Variants in FYB1 observed in about 807,000 individuals in gnomAD.
FYB1 encodes the protein FYN-binding protein 1.
Under a neutral mutation model 94.1 loss-of-function variants are expected in FYB1, and 41 were observed. That is an observed-to-expected ratio of 0.44 (90% CI 0.34 to 0.57). FYB1 has a LOEUF of 0.57. Ranked by LOEUF, FYB1 falls within the 20% of genes least tolerant of loss-of-function variation. FYB1 has a pLI of 0.02. For synonymous variants in FYB1, 367 were observed against 353.2 expected, an observed-to-expected ratio of 1.04 and a Z score of -0.44; for missense variants, 1,050 against 976.8, an observed-to-expected ratio of 1.07 and a Z score of -1.00.
intron 2 of FYB1, among the ~76,000 whole-genome samples, chr5:39,168,638 C>T (rs6891395): frequency 0.22 from 33,224 of 151,956 alleles, 3,854 homozygotes; most frequent in African/African-American, 0.28. Context: ...GGTTTTACAG[C>T]TTCTAAGTCT....
At chr5:39,207,885 C>T (rs1476595364) in intron 1 of FYB1, among the ~76,000 whole-genome samples, 2 of 152,162 alleles carry the variant, frequency 1.3e-5, no homozygotes, top group Admixed American at 1.3e-4. Context: ...AGGGATGCTG[C>T]ACATCTGTCC....
intron 1 of FYB1, among the ~76,000 whole-genome samples, chr5:39,228,795 A>C (rs1476837435): frequency 6.6e-6 from 1 of 152,180 alleles, no homozygotes; most frequent in Non-Finnish European, 1.5e-5. Context: ...AGAGCTAATA[A>C]AGCAAGATCT....
intron 2 of FYB1, among the ~76,000 whole-genome samples, chr5:39,193,547 C>T (rs1240677853): frequency 2.0e-5 from 3 of 152,196 alleles, no homozygotes; most frequent in Non-Finnish European, 4.4e-5. Context: ...ACCTTCCCAC[C>T]TGTTCTCTAC....
intron 1 of FYB1, among the ~76,000 whole-genome samples, chr5:39,243,922 T>A (rs1751338894): frequency 6.6e-6 from 1 of 152,204 alleles, no homozygotes; most frequent in Admixed American, 6.5e-5. Context: ...GGGAGTTCAC[T>A]CATGATTTAG....
At chr5:39,197,266 T>G (rs756095276) in intron 2 of FYB1, among the ~76,000 whole-genome samples, 33 of 152,308 alleles carry the variant, frequency 2.2e-4, no homozygotes, top group Middle Eastern at 3.4e-3. Flanking sequence ...AAATATTTAG[T>G]AATAGAATCT....
At chr5:39,195,952 A>G (rs921402247) in intron 2 of FYB1, among the ~76,000 whole-genome samples, 2 of 79,496 alleles carry the variant, frequency 2.5e-5, no homozygotes, top group African/African-American at 4.0e-5. Context: ...CTTAGGAAAA[A>G]AAAATTTAGC....
intron 9 of FYB1, among the ~76,000 whole-genome samples, chr5:39,131,270 A>T (rs538491953): frequency 6.6e-6 from 1 of 152,230 alleles, no homozygotes; most frequent in Admixed American, 6.6e-5. Flanking sequence ...TTTCTGTGAG[A>T]TCAAAGGAAA....
At chr5:39,216,918 A>C (rs1432528320) in intron 1 of FYB1, among the ~76,000 whole-genome samples, 4 of 152,198 alleles carry the variant, frequency 2.6e-5, no homozygotes, top group Non-Finnish European at 4.4e-5. Flanking sequence ...TAGCTAAATG[A>C]TTTTCCTGGT....
At chr5:39,145,609 G>T (rs1742572297) in intron 3 of FYB1, among the ~76,000 whole-genome samples, 1 of 151,976 alleles carries the variant, frequency 6.6e-6, no homozygotes, top group Non-Finnish European at 1.5e-5. Context: ...TTGATGAATT[G>T]AATATTAATT....
intron 1 of FYB1, among the ~76,000 whole-genome samples, chr5:39,249,745 T>A (rs1271426824): frequency 6.6e-6 from 1 of 152,104 alleles, no homozygotes; most frequent in Non-Finnish European, 1.5e-5. Flanking sequence ...ACTCAGAAGG[T>A]GAGGGATGCA....
At chr5:39,175,138 A>G (rs1469462991) in intron 2 of FYB1, among the ~76,000 whole-genome samples, 2 of 152,186 alleles carry the variant, frequency 1.3e-5, no homozygotes, top group Admixed American at 6.5e-5. Flanking sequence ...AGCTGGGGAA[A>G]GGGAAAAGGG....
intron 1 of FYB1, 85 bp from the exon 2 acceptor site, chr5:39,203,072 G>T: frequency 8.5e-7 from 1 of 1,175,390 alleles, no homozygotes; most frequent in South Asian, 1.5e-5. Flanking sequence ...AGAGCTTCCT[G>T]GTTTGAGGCC....
chr5:39,163,613 A>T (rs550316538), intron 2 of FYB1, among the ~76,000 whole-genome samples: 5 of 152,332 alleles, frequency 3.3e-5, no homozygotes, highest in Middle Eastern at 6.8e-3. Context: ...TGAAAGGTAA[A>T]TTGTTTTTAT....
intron 1 of FYB1, among the ~76,000 whole-genome samples, chr5:39,241,819 C>T (rs1448885417): frequency 7.8e-6 from 1 of 127,912 alleles, no homozygotes; most frequent in South Asian, 3.0e-4. Flanking sequence ...CTTCCTGTTA[C>T]AGTTTAAGCT....
At chr5:39,255,157 G>C (rs66913031) in intron 1 of FYB1, among the ~76,000 whole-genome samples, 48,785 of 151,936 alleles carry the variant, frequency 0.32, 9,489 homozygotes, top group African/African-American at 0.55. Context: ...GGGGGAAAAG[G>C]TTTATTGTGG....
intron 2 of FYB1, among the ~76,000 whole-genome samples, chr5:39,186,423 AAAAAC>A (rs530747508): frequency 6.6e-6 from 1 of 152,164 alleles, no homozygotes; most frequent in African/African-American, 2.4e-5. Context: ...ACTCCATCTC[AAAAAC>A]AAAACAAAAC....
chr5:39,249,731 A>G (rs1200592995), intron 1 of FYB1, among the ~76,000 whole-genome samples: 1 of 152,186 alleles, frequency 6.6e-6, no homozygotes, highest in Non-Finnish European at 1.5e-5. Flanking sequence ...AGAAATATAA[A>G]ATGACTCAGA....
intron 2 of FYB1, among the ~76,000 whole-genome samples, chr5:39,186,638 CTTTTTTTTTTT>C (rs56144868): frequency 9.6e-4 from 73 of 76,370 alleles, no homozygotes; most frequent in African/African-American, 3.4e-3. Flanking sequence ...CAATTGGATG[CTTTTTTTTTTT>C]TTTTTTTTTT....
upstream of FYB1, among the ~76,000 whole-genome samples, chr5:39,222,437 A>G (rs1296848879): frequency 6.6e-6 from 1 of 152,140 alleles, no homozygotes; most frequent in African/African-American, 2.4e-5. Flanking sequence ...TTTTTAATGC[A>G]TTTGTCCCAC....
Sources: allele counts gnomAD v4.1 joint callset (sites outside exome capture counted in the v4.1 genomes callset), GRCh38; gene constraint gnomAD v4.1.1; transcripts MANE v1.5; gene names NCBI Gene and HGNC (gene_info 2026-07-23, HGNC 2026-07-21).